The following EYA2 variants were observed in gnomAD, a reference collection of about 807,000 sequenced individuals.
EYA2 encodes protein phosphatase EYA2.
A neutral mutation model predicts 69.2 loss-of-function variants in EYA2; 31 were observed. The ratio of observed to expected loss-of-function variants is 0.45; its 90% CI spans 0.34 to 0.60. The LOEUF (loss-of-function observed/expected upper bound fraction) is 0.60, where lower values mean the gene tolerates loss of function less well. Ranked by LOEUF, EYA2 falls within the 20% of genes least tolerant of loss-of-function variation. The pLI, the probability that EYA2 is intolerant of heterozygous loss-of-function variation, is 0.02. For missense variants in EYA2, 622 were observed against 701.2 expected, an observed-to-expected ratio of 0.89 and a Z score of 1.28; for synonymous variants, 257 against 279.4, an observed-to-expected ratio of 0.92 and a Z score of 0.80.
At chr20:47,041,262 C>A (rs1355385574) in intron 5 of EYA2, among the ~76,000 whole-genome samples, 1 of 152,206 alleles carries the variant, frequency 6.6e-6, no homozygotes, top group Non-Finnish European at 1.5e-5. Flanking sequence ...CCAGAAAAGC[C>A]TCCCTCCCCA....
chr20:47,165,539 G>C (rs2034164061), intron 10 of EYA2, among the ~76,000 whole-genome samples: 2 of 152,016 alleles, frequency 1.3e-5, no homozygotes, highest in South Asian at 2.1e-4. Context: ...TGCTGCCGTT[G>C]GTCTCCAGGC....
At position 47,056,174 on chromosome 20, in the gene EYA2, C is replaced by A. The variant is rs145253215; in HGVS notation, c.416-16011C>A. 5.5e-3 allele frequency among the ~76,000 whole-genome samples: 840 copies of A among 152,304 alleles called. 7 individuals are homozygous for A. The highest frequency in any genetic ancestry group is 0.019 in the African/African-American group (802 of 41,556). On this transcript the variant is annotated intron_variant, in intron 5 of 15. Transcript: ENST00000327619. Reference sequence around the variant, plus strand: ...GATGTGGGCTAGACTCCACGTGGAGCAAAGATGCAGGAAGACAGGCTCCGG... The same window carrying A: ...GATGTGGGCTAGACTCCACGTGGAGAAAAGATGCAGGAAGACAGGCTCCGG...
rs551626616 is a variant in EYA2 at position 47,143,991 on chromosome 20, G to A, written c.978+843G>A. Among the ~76,000 whole-genome samples, 6 of 152,342 alleles carry A rather than the reference G, an allele frequency of 3.9e-5. No individual in the cohort carries two copies. The East Asian group carries it at 7.7e-4, about 20-fold the overall frequency. On this transcript the variant is annotated intron_variant, in intron 10 of 15. Coordinates refer to ENST00000327619, the MANE Select transcript of EYA2 (RefSeq NM_005244.5). ...CCAACGTGAAGAAGGGGTTTTGGCT[G>A]ATAAAAGGATCAGTAAGGAAATCTT...
chr20:47,161,315 C>A, intron 10 of EYA2: 2 of 508,596 alleles, frequency 3.9e-6, no homozygotes, highest in Admixed American at 2.6e-5. Context: ...ACACCCAGAT[C>A]GACATACCAT....
chr20:47,124,503 G>A (rs972186066), intron 9 of EYA2, among the ~76,000 whole-genome samples: 2 of 152,160 alleles, frequency 1.3e-5, no homozygotes, highest in African/African-American at 2.4e-5. Context: ...TGTTGATGGG[G>A]ATGTTGTCAA....
chr20:47,004,087 CTGT>C (rs1982543395), intron 3 of EYA2, among the ~76,000 whole-genome samples: 1 of 152,210 alleles, frequency 6.6e-6, no homozygotes. Flanking sequence ...ATTATAGAAC[CTGT>C]TGTTCTCCAT....
chr20:47,050,411 T>A (rs1344516663), intron 5 of EYA2, among the ~76,000 whole-genome samples: 1 of 152,164 alleles, frequency 6.6e-6, no homozygotes, highest in Non-Finnish European at 1.5e-5. Flanking sequence ...AACCTCCAAA[T>A]TTTAAGAAGG....
At chr20:47,142,612 A>G (rs1282507869) in intron 9 of EYA2, among the ~76,000 whole-genome samples, 1 of 152,176 alleles carries the variant, frequency 6.6e-6, no homozygotes, top group Non-Finnish European at 1.5e-5. Context: ...GTGCCTAGAG[A>G]GATTGTTGGA....
intron 4 of EYA2, among the ~76,000 whole-genome samples, chr20:47,015,282 T>C (rs937344876): frequency 6.6e-6 from 1 of 152,234 alleles, no homozygotes; most frequent in Non-Finnish European, 1.5e-5. Flanking sequence ...GTGAATGAGC[T>C]GATGATGGTT....
chr20:46,914,511 C>T (rs1166623531), intron 1 of EYA2, among the ~76,000 whole-genome samples: 1 of 152,048 alleles, frequency 6.6e-6, no homozygotes, highest in Non-Finnish European at 1.5e-5. Context: ...ACAATCATGG[C>T]GGAAGGGGAA....
At chr20:46,912,687 A>ATTTTTTTTTTTT (rs11473019) in intron 1 of EYA2, among the ~76,000 whole-genome samples, 1 of 145,714 alleles carries the variant, frequency 6.9e-6, no homozygotes. Context: ...GGAATTTTTA[A>ATTTTTTTTTTTT]TTTTTTTTTT....
intron 5 of EYA2, among the ~76,000 whole-genome samples, chr20:47,037,133 A>C (rs531594606): frequency 4.1e-4 from 62 of 151,572 alleles, no homozygotes; most frequent in Non-Finnish European, 7.1e-4. Context: ...AGCCCTTTAT[A>C]AAACCATCAG....
chr20:46,978,871 G>A (rs2146309584), intron 1 of EYA2, among the ~76,000 whole-genome samples: 1 of 152,298 alleles, frequency 6.6e-6, no homozygotes, highest in East Asian at 1.9e-4. Flanking sequence ...CTGAGCTTTT[G>A]GTTTGAGCAA....
At chr20:47,078,515 T>TG in intron 7 of EYA2, among the ~76,000 whole-genome samples, 1 of 152,232 alleles carries the variant, frequency 6.6e-6, no homozygotes, top group Admixed American at 6.5e-5. Flanking sequence ...TATAGTATTT[T>TG]GGTGCTCTCA....
intron 1 of EYA2, among the ~76,000 whole-genome samples, chr20:46,924,669 C>CAAAAAAAAAAAAAAAAA (rs10568771): frequency 1.1e-5 from 1 of 88,372 alleles, no homozygotes; most frequent in African/African-American, 5.8e-5. Context: ...GACTCCATCT[C>CAAAAAAAAAAAAAAAAA]AAAAAAAAAA....
Position 47,074,208 on chromosome 20 carries a change from C to T in EYA2, c.534C>T (p.Tyr178=), listed in dbSNP as rs149701901. The change falls in exon 7 of 16, where the codon TAC becomes TAT. Residue 178 remains tyrosine, a synonymous_variant. Transcript: ENST00000327619. ...GFPQSQYPQY[Y]GSSYNPPYVP... is the part of the protein sequence containing the mutation. Reference sequence around the variant, plus strand: ...CCCAGAGCCAGTACCCCCAGTATTACGGCTCATCCTACAACCCTCCCTACG... The same window carrying T: ...CCCAGAGCCAGTACCCCCAGTATTATGGCTCATCCTACAACCCTCCCTACG... The T allele has an allele frequency of 3.2e-5, 52 of 1,614,008 alleles. No homozygotes were observed. Among genetic ancestry groups the T allele is most frequent in the East Asian group, 2.5e-4 (11 of 44,852 alleles).
intron 9 of EYA2, among the ~76,000 whole-genome samples, chr20:47,107,111 A>C (rs1271550830): frequency 6.6e-6 from 1 of 152,202 alleles, no homozygotes; most frequent in Non-Finnish European, 1.5e-5. Flanking sequence ...TGCCTCCTGC[A>C]TGCCAGGTGT....
At chr20:47,133,977 AG>A (rs1213645306) in intron 9 of EYA2, among the ~76,000 whole-genome samples, 1 of 152,252 alleles carries the variant, frequency 6.6e-6, no homozygotes, top group Admixed American at 6.5e-5. Flanking sequence ...GTGTGGCCCA[AG>A]GGCTTGGAGC....
chr20:47,183,691 C>T (rs1046525094), intron 15 of EYA2, among the ~76,000 whole-genome samples: 1 of 152,140 alleles, frequency 6.6e-6, no homozygotes, highest in African/African-American at 2.4e-5. Flanking sequence ...GGCCAGTGCA[C>T]GTGCATGTGT....
Sources: gnomAD v4.1 joint callset for allele counts (sites outside exome capture counted in the v4.1 genomes callset) on GRCh38, gnomAD v4.1.1 for gene constraint, MANE v1.5 for transcripts, NCBI Gene and HGNC (gene_info 2026-07-23, HGNC 2026-07-21) for gene names.